The following NBAS variants were observed in gnomAD, a reference collection of about 807,000 sequenced individuals.
The protein encoded by NBAS is NBAS subunit of NRZ tethering complex.
In NBAS, 219 loss-of-function variants were observed where a neutral mutation model predicts 302.5. The ratio of observed to expected loss-of-function variants is 0.72; its 90% CI spans 0.65 to 0.81. The LOEUF (loss-of-function observed/expected upper bound fraction) is 0.81. NBAS is among the 30% of genes least tolerant of loss of function. The pLI is 0.00. For synonymous variants in NBAS, 1,118 were observed against 1,021.6 expected, an observed-to-expected ratio of 1.09 and a Z score of -1.80; for missense variants, 2,932 against 2,841.6, an observed-to-expected ratio of 1.03 and a Z score of -0.72.
At chr2:14,816,463 C>T in the NBAS span, among the ~76,000 whole-genome samples, 1 of 152,212 alleles carries the variant, frequency 6.6e-6, no homozygotes, top group African/African-American at 2.4e-5. Flanking sequence ...CAAAACCCGT[C>T]CCTGGTGCCA....
chr2:15,345,628 C>A (rs1222295454), intron 35 of NBAS, among the ~76,000 whole-genome samples: 1 of 152,198 alleles, frequency 6.6e-6, no homozygotes, highest in African/African-American at 2.4e-5. Flanking sequence ...CTACCACTGA[C>A]ATTCTTCACA....
the NBAS span, among the ~76,000 whole-genome samples, chr2:15,123,096 C>T: frequency 7.9e-5 from 12 of 152,198 alleles, no homozygotes; most frequent in Admixed American, 1.3e-4. Context: ...TGCCCCACCC[C>T]GAGGTAGCCT....
the NBAS span, among the ~76,000 whole-genome samples, chr2:14,866,777 C>T: frequency 6.6e-6 from 1 of 152,192 alleles, no homozygotes; most frequent in African/African-American, 2.4e-5. Flanking sequence ...AAAAATGCTG[C>T]TAAGCAGATT....
chr2:15,007,418 T>C, the NBAS span, among the ~76,000 whole-genome samples: 1 of 152,238 alleles, frequency 6.6e-6, no homozygotes, highest in African/African-American at 2.4e-5. Flanking sequence ...TTCAAGCATA[T>C]CTTAGAATTT....
chr2:15,327,371 A>G (rs1467319341), intron 38 of NBAS, among the ~76,000 whole-genome samples: 1 of 152,220 alleles, frequency 6.6e-6, no homozygotes, highest in Non-Finnish European at 1.5e-5. Flanking sequence ...ACATGGAAAG[A>G]TATTCCACCA....
the NBAS span, among the ~76,000 whole-genome samples, chr2:15,106,651 T>C: frequency 2.0e-5 from 3 of 152,092 alleles, no homozygotes; most frequent in Admixed American, 2.0e-4. Context: ...TTGATGTATA[T>C]ACATTTGTTG....
chr2:14,842,877 T>C, the NBAS span, among the ~76,000 whole-genome samples: 1 of 140,944 alleles, frequency 7.1e-6, no homozygotes, highest in Non-Finnish European at 1.5e-5. Flanking sequence ...TATACAGCAA[T>C]ATTGCAGATG....
At chr2:15,108,685 T>C in the NBAS span, among the ~76,000 whole-genome samples, 1 of 152,232 alleles carries the variant, frequency 6.6e-6, no homozygotes, top group Admixed American at 6.5e-5. Flanking sequence ...AGAGCTTATA[T>C]CCGCCCGTGT....
intron 7 of NBAS, among the ~76,000 whole-genome samples, chr2:15,537,589 G>A (rs1430875209): frequency 2.6e-5 from 4 of 152,130 alleles, no homozygotes; most frequent in Non-Finnish European, 4.4e-5. Flanking sequence ...ACCCAGCCTG[G>A]ACAGCAAAGC....
At chr2:15,314,968 G>A (rs190468983) in intron 38 of NBAS, among the ~76,000 whole-genome samples, 1 of 152,266 alleles carries the variant, frequency 6.6e-6, no homozygotes, top group African/African-American at 2.4e-5. Context: ...CTAATCTACA[G>A]TGGGGAAAAA....
chr2:15,234,736 T>C lies in NBAS; in HGVS notation c.5955A>G (p.Gln1985=), dbSNP rs367774414. The C allele has an allele frequency of 3.1e-6, 5 of 1,614,030 alleles. No individual in the cohort carries two copies. In the East Asian group the frequency reaches 6.7e-5, roughly 22 times the overall value. Residue 1985 remains glutamine (Q), a synonymous_variant, in exon 46 of 52, where the codon CAA becomes CAG. Coordinates refer to ENST00000281513, the MANE Select transcript of NBAS (RefSeq NM_015909.4). ...ACAGATCATAGAGGTGACTGTATTT[T>C]TGCAGTGTTTCCTGTAAAGACATGG... ...SLKNSEQETL[Q]KYSHLYDLSR...
intron 28 of NBAS, among the ~76,000 whole-genome samples, chr2:15,389,142 G>C (rs1675462273): frequency 1.3e-5 from 2 of 152,152 alleles, no homozygotes; most frequent in African/African-American, 4.8e-5. Context: ...ACACTCGTCA[G>C]ACAGGCTCTC....
chr2:15,373,378 C>T (rs79863246), intron 31 of NBAS, among the ~76,000 whole-genome samples: 2,615 of 107,368 alleles, frequency 0.024, 88 homozygotes, highest in African/African-American at 0.077. Flanking sequence ...TTGCCTAGGC[C>T]GGAATGCAAC....
intron 19 of NBAS, 49 bp from the exon 20 acceptor site, chr2:15,461,840 ATGGG>A: frequency 9.9e-7 from 1 of 1,008,112 alleles, no homozygotes; most frequent in Non-Finnish European, 1.6e-6. Flanking sequence ...GCTTTTAAAT[ATGGG>A]TGACAAGAAA....
intron 44 of NBAS, among the ~76,000 whole-genome samples, chr2:15,267,680 C>A (rs1366275607): frequency 6.6e-6 from 1 of 151,828 alleles, no homozygotes; most frequent in Non-Finnish European, 1.5e-5. Context: ...ATGTATATAC[C>A]AAAAATTATA....
the NBAS span, among the ~76,000 whole-genome samples, chr2:15,069,323 C>T: frequency 0.016 from 2,378 of 152,292 alleles, 50 homozygotes; most frequent in African/African-American, 0.052. Flanking sequence ...ATGACGAGCC[C>T]AGCAGTGAAG....
chr2:15,551,622 C>A, intron 5 of NBAS, 86 bp from the exon 6 acceptor site: 2 of 958,972 alleles, frequency 2.1e-6, no homozygotes, highest in Admixed American at 4.2e-5. Flanking sequence ...ACTAGACAGC[C>A]TCTATATACA....
chr2:15,108,472 A>C, the NBAS span, among the ~76,000 whole-genome samples: 1 of 152,102 alleles, frequency 6.6e-6, no homozygotes, highest in Non-Finnish European at 1.5e-5. Flanking sequence ...TATTGACTCA[A>C]GCAGGAGAAC....
At chr2:15,351,900 AC>A in intron 35 of NBAS, 91 bp downstream of exon 35, 5 of 780,364 alleles carry the variant, frequency 6.4e-6, no homozygotes, top group Non-Finnish European at 1.1e-5. Flanking sequence ...ACACACACAC[AC>A]ACAAAACCCC....
Sources: gnomAD v4.1 joint callset for allele counts (sites outside exome capture counted in the v4.1 genomes callset) on GRCh38, gnomAD v4.1.1 for gene constraint, MANE v1.5 for transcripts, NCBI Gene and HGNC (gene_info 2026-07-23, HGNC 2026-07-21) for gene names.